FOXN3: variants seen among roughly 807,000 people sequenced by gnomAD.
The protein encoded by FOXN3 is forkhead box N3.
A neutral mutation model predicts 38.4 loss-of-function variants in FOXN3; 7 were observed. That is an observed-to-expected ratio of 0.18 (90% CI 0.10 to 0.34). FOXN3 has a LOEUF of 0.34. Among genes scored for constraint, FOXN3 ranks in the 10% least tolerant of loss-of-function variants. The pLI, the probability that FOXN3 is intolerant of heterozygous loss-of-function variation, is 1.00. For synonymous variants in FOXN3, 230 were observed against 242.2 expected (o/e 0.95, Z 0.47); for missense variants, 456 against 613.4 (o/e 0.74, Z 2.71).
chr14:89,593,570 T>C (rs952866445), intron 1 of FOXN3, among the ~76,000 whole-genome samples: 2 of 152,244 alleles, frequency 1.3e-5, no homozygotes, highest in African/African-American at 4.8e-5. Context: ...GTAAGGTCTA[T>C]ATTCTCATCA....
At chr14:89,276,034 T>G (rs1331603195) in intron 4 of FOXN3, among the ~76,000 whole-genome samples, 3 of 152,192 alleles carry the variant, frequency 2.0e-5, no homozygotes, top group African/African-American at 7.2e-5. Context: ...CCCAGCACTT[T>G]GGGAGGCCAA....
chr14:89,494,875 A>C (rs1179351735), intron 1 of FOXN3, among the ~76,000 whole-genome samples: 2 of 152,222 alleles, frequency 1.3e-5, no homozygotes, highest in Admixed American at 6.5e-5. Flanking sequence ...TGACATGGAA[A>C]TCTGCCATTA....
rs371697006 is a variant in FOXN3 at position 89,341,914 on chromosome 14, C to T, written c.680+8758G>A. Among the ~76,000 whole-genome samples the T allele has an allele frequency of 5.4e-4, 83 of 152,294 alleles. 1 individual carries two copies. In the South Asian group the frequency reaches 1.0e-2, roughly 18 times the overall value. ...CGTCGCTGTGCTCAGGAATCCTTGGCTGGCTATCCCGAGAAGTAAATACTC... is the reference window on the plus strand; with the variant it reads ...CGTCGCTGTGCTCAGGAATCCTTGGTTGGCTATCCCGAGAAGTAAATACTC... On this transcript the variant is annotated intron_variant, in intron 3 of 5. Transcript: ENST00000557258.
intron 1 of FOXN3, among the ~76,000 whole-genome samples, chr14:89,415,408 G>A (rs1159484114): frequency 1.3e-5 from 2 of 151,894 alleles, no homozygotes; most frequent in African/African-American, 2.4e-5. Flanking sequence ...TATGGTTTTA[G>A]GAGAAAAAGT....
chr14:89,267,077 T>G (rs75729601), intron 4 of FOXN3, among the ~76,000 whole-genome samples: 2,899 of 152,224 alleles, frequency 0.019, 98 homozygotes, highest in African/African-American at 0.064. Context: ...CCTTCTTCCC[T>G]TCTTCCCTAC....
At chr14:89,479,464 T>C (rs2139757922) in intron 1 of FOXN3, among the ~76,000 whole-genome samples, 1 of 152,288 alleles carries the variant, frequency 6.6e-6, no homozygotes, top group Non-Finnish European at 1.5e-5. Flanking sequence ...AACTCTCAAC[T>C]TGTTTTAAAT....
At chr14:89,558,338 A>G (rs1039608503) in intron 1 of FOXN3, among the ~76,000 whole-genome samples, 2 of 152,146 alleles carry the variant, frequency 1.3e-5, no homozygotes, top group Non-Finnish European at 2.9e-5. Context: ...TGACCGAACC[A>G]CGAAATGGGT....
chr14:89,497,646 G>A (rs572096461), intron 1 of FOXN3, among the ~76,000 whole-genome samples: 117 of 151,398 alleles, frequency 7.7e-4, no homozygotes, highest in African/African-American at 2.7e-3. Flanking sequence ...CAGGTGATCC[G>A]CCTACCTCAG....
intron 3 of FOXN3, among the ~76,000 whole-genome samples, chr14:89,293,894 C>A (rs1305639045): frequency 6.6e-6 from 1 of 152,170 alleles, no homozygotes; most frequent in Non-Finnish European, 1.5e-5. Context: ...TGGAACCTGG[C>A]TGCCACAAAT....
At chr14:89,174,274 A>G (rs1000832747) in intron 5 of FOXN3, among the ~76,000 whole-genome samples, 6 of 152,156 alleles carry the variant, frequency 3.9e-5, no homozygotes, top group African/African-American at 1.4e-4. Flanking sequence ...GTGAGGTTTA[A>G]GATCCCTTCC....
At position 89,156,246 on chromosome 14, in the gene FOXN3, T is replaced by A. The variant is rs758917443; in HGVS notation, c.*6168A>T. ...AAGACAATACATCACAGAAACTTTA[T>A]GGTAGGTCTGGGGAAAAGTGTTATT... On this transcript the variant is annotated 3_prime_UTR_variant, in exon 6 of 6. Coordinates refer to ENST00000557258, the MANE Select transcript of FOXN3 (RefSeq NM_005197.4). 6.6e-6 allele frequency: 1 copy of A among 152,648 alleles called. No individual in the cohort carries two copies. The highest frequency in any genetic ancestry group is 2.4e-5 in the African/African-American group (1 of 41,446). 9.5% of individuals were successfully genotyped at this position (152,648 alleles called of 1,614,324 possible).
At chr14:89,260,242 C>T (rs1885754392) in intron 4 of FOXN3, among the ~76,000 whole-genome samples, 3 of 152,238 alleles carry the variant, frequency 2.0e-5, no homozygotes, top group Admixed American at 6.5e-5. Context: ...CCAAATACTA[C>T]CTGCTTTCAA....
intron 1 of FOXN3, among the ~76,000 whole-genome samples, chr14:89,468,056 G>A (rs1202711487): frequency 2.0e-5 from 3 of 151,054 alleles, no homozygotes; most frequent in African/African-American, 7.3e-5. Flanking sequence ...ATATATACAT[G>A]CATCTACATA....
intron 2 of FOXN3, among the ~76,000 whole-genome samples, chr14:89,389,206 G>A (rs920769823): frequency 2.0e-5 from 3 of 151,678 alleles, no homozygotes; most frequent in Admixed American, 6.6e-5. Context: ...TCCTGCAAAC[G>A]AATTTGGAAG....
chr14:89,446,050 C>T (rs571027401), intron 1 of FOXN3, among the ~76,000 whole-genome samples: 47 of 119,474 alleles, frequency 3.9e-4, no homozygotes, highest in African/African-American at 1.2e-3. Context: ...ATTATACCAC[C>T]GCACTCTAGC....
At chr14:89,170,117 G>A (rs995761995) in intron 5 of FOXN3, among the ~76,000 whole-genome samples, 2 of 152,312 alleles carry the variant, frequency 1.3e-5, no homozygotes, top group Non-Finnish European at 1.5e-5. Context: ...CATTACTCCA[G>A]ATAAACAGTC....
chr14:89,588,200 G>A (rs923327852), intron 1 of FOXN3, among the ~76,000 whole-genome samples: 2 of 152,098 alleles, frequency 1.3e-5, no homozygotes, highest in African/African-American at 4.8e-5. Context: ...CATGTGACAT[G>A]CCTGCTCCCC....
chr14:89,520,563 G>GA (rs1487038223), intron 1 of FOXN3, among the ~76,000 whole-genome samples: 8 of 152,144 alleles, frequency 5.3e-5, no homozygotes, highest in Non-Finnish European at 1.2e-4. Context: ...CATATGTAGG[G>GA]AAAATCACAC....
intron 1 of FOXN3, among the ~76,000 whole-genome samples, chr14:89,614,672 A>G (rs556968797): frequency 2.0e-5 from 3 of 152,254 alleles, no homozygotes; most frequent in Non-Finnish European, 4.4e-5. Context: ...TGGGTTCCAG[A>G]GTGTGCCCTG....
Sources: allele counts gnomAD v4.1 joint callset (sites outside exome capture counted in the v4.1 genomes callset), GRCh38; gene constraint gnomAD v4.1.1; transcripts MANE v1.5; gene names NCBI Gene and HGNC (gene_info 2026-07-23, HGNC 2026-07-21).